Variants in LRBA observed in about 807,000 individuals in gnomAD.
LRBA encodes the protein LPS responsive beige-like anchor protein, also known as lipopolysaccharide-responsive and beige-like anchor protein.
A neutral mutation model predicts 330.0 loss-of-function variants in LRBA; 176 were observed. That is an observed-to-expected ratio of 0.53 (90% CI 0.47 to 0.60). The LOEUF (loss-of-function observed/expected upper bound fraction) is 0.60, where lower values mean the gene tolerates loss of function less well. Ranked by LOEUF, LRBA falls within the 20% of genes least tolerant of loss-of-function variation. The pLI, the probability that LRBA is intolerant of heterozygous loss-of-function variation, is 0.00. For missense variants in LRBA, 3,259 were observed against 3,444.8 expected (o/e 0.95, Z 1.35); for synonymous variants, 1,230 against 1,193.0 (o/e 1.03, Z -0.64).
chr4:150,554,839 C>T (rs1166496128), intron 40 of LRBA, among the ~76,000 whole-genome samples: 1 of 151,918 alleles, frequency 6.6e-6, no homozygotes. Flanking sequence ...TGTTCTATGC[C>T]ACTTATAAAA....
chr4:150,287,355 T>A (rs895803532), intron 53 of LRBA, among the ~76,000 whole-genome samples: 4 of 152,242 alleles, frequency 2.6e-5, no homozygotes, highest in Non-Finnish European at 4.4e-5. Context: ...TGAAATTTTA[T>A]GCAAAATGTA....
At chr4:150,305,550 C>G (rs1342682261) in intron 52 of LRBA, among the ~76,000 whole-genome samples, 1 of 152,076 alleles carries the variant, frequency 6.6e-6, no homozygotes, top group Non-Finnish European at 1.5e-5. Flanking sequence ...GTGGGGCAGA[C>G]AGTCATTAAA....
intron 36 of LRBA, among the ~76,000 whole-genome samples, chr4:150,730,899 T>C: frequency 6.6e-6 from 1 of 151,562 alleles, no homozygotes; most frequent in African/African-American, 2.4e-5. Context: ...AGGCCTGTAA[T>C]CCCAGCTACT....
At chr4:150,836,138 C>T (rs996949412) in intron 28 of LRBA, among the ~76,000 whole-genome samples, 1 of 152,130 alleles carries the variant, frequency 6.6e-6, no homozygotes, top group Admixed American at 6.5e-5. Flanking sequence ...GCCTTGCATC[C>T]CAGGGATGAA....
rs1750764680 is a variant in LRBA at position 150,852,779 on chromosome 4, C to T, written c.2931G>A (p.Lys977=). Residue 977 remains lysine, a synonymous_variant, in exon 23 of 57, where the codon AAG becomes AAA. Coordinates refer to ENST00000651943, the MANE Select transcript of LRBA (RefSeq NM_001364905.1). Reference sequence around the variant, plus strand: ...TGAAATGAGGACAGACAGGAGAATCCTTCGTATCTGGTTGCTGGGATCCTA... The same window carrying T: ...TGAAATGAGGACAGACAGGAGAATCTTTCGTATCTGGTTGCTGGGATCCTA... ...VSVGSQQPDT[K]DSPVCPHFTT... 1 of 1,613,844 alleles carries T rather than the reference C, an allele frequency of 6.2e-7. No individual in the cohort carries two copies. The highest frequency in any genetic ancestry group is 1.7e-5 in the Admixed American group (1 of 59,988).
intron 17 of LRBA, among the ~76,000 whole-genome samples, chr4:150,887,942 A>C (rs767543711): frequency 2.0e-5 from 3 of 152,108 alleles, no homozygotes; most frequent in Non-Finnish European, 2.9e-5. Context: ...GAACTGCTTA[A>C]GCCCAGGAGT....
chr4:150,903,907 T>C (rs1456471974), intron 13 of LRBA, among the ~76,000 whole-genome samples: 1 of 152,158 alleles, frequency 6.6e-6, no homozygotes, highest in Non-Finnish European at 1.5e-5. Flanking sequence ...TGAGGGCAAG[T>C]ATCAAGTCTA....
chr4:150,583,156 A>C lies in LRBA; in HGVS notation c.6330+4892T>G. Reference sequence around the variant, plus strand: ...CTGTAAGGTGGTCTCGGACGTGCTCAAGGAAGTGGAGGTGCAGGAGCCTCG... The same window carrying C: ...CTGTAAGGTGGTCTCGGACGTGCTCCAGGAAGTGGAGGTGCAGGAGCCTCG... On this transcript the variant is annotated intron_variant, in intron 40 of 56. Transcript: ENST00000651943. This position sits in a 1 kb window ranked among gnomAD's most constrained non-coding sequence, Gnocchi z 9.8. The C allele has an allele frequency of 6.2e-7, 1 of 1,614,206 alleles. No homozygotes were observed. The highest frequency in any genetic ancestry group is 8.5e-7 in the Non-Finnish European group (1 of 1,180,018).
chr4:150,549,326 T>G (rs1213509400), intron 40 of LRBA, among the ~76,000 whole-genome samples: 1 of 151,726 alleles, frequency 6.6e-6, no homozygotes, highest in Non-Finnish European at 1.5e-5. Flanking sequence ...TTATTTTATT[T>G]TATTTTATTT....
At chr4:150,335,476 C>CAT (rs1734565829) in intron 48 of LRBA, among the ~76,000 whole-genome samples, 2 of 114,862 alleles carry the variant, frequency 1.7e-5, no homozygotes, top group East Asian at 2.2e-4. Flanking sequence ...TATATATATA[C>CAT]GTATATATGT....
intron 40 of LRBA, among the ~76,000 whole-genome samples, chr4:150,560,918 G>C (rs1768240643): frequency 6.6e-6 from 1 of 152,030 alleles, no homozygotes; most frequent in Non-Finnish European, 1.5e-5. Context: ...CCCAGAAGTG[G>C]AGGTTGCGGT....
At chr4:150,604,840 CCTTT>C (rs909097803) in intron 37 of LRBA, among the ~76,000 whole-genome samples, 3 of 152,118 alleles carry the variant, frequency 2.0e-5, no homozygotes, top group African/African-American at 7.2e-5. Flanking sequence ...TGCTCAGGCT[CCTTT>C]CTTTCTCTGG....
intron 40 of LRBA, among the ~76,000 whole-genome samples, chr4:150,545,326 T>C (rs1765739964): frequency 6.6e-6 from 1 of 152,146 alleles, no homozygotes; most frequent in Admixed American, 6.5e-5. Flanking sequence ...AATTGTAAAA[T>C]ACATTCCAAT....
chr4:150,657,069 A>C (rs1303819401), intron 37 of LRBA, among the ~76,000 whole-genome samples: 2 of 152,222 alleles, frequency 1.3e-5, no homozygotes, highest in East Asian at 3.8e-4. Context: ...GGCTTGTCAT[A>C]AAAAGTAGTA....
At chr4:150,458,897 T>C (rs926343406) in intron 44 of LRBA, among the ~76,000 whole-genome samples, 1 of 151,950 alleles carries the variant, frequency 6.6e-6, no homozygotes, top group African/African-American at 2.4e-5. Flanking sequence ...TTAGAGGTTG[T>C]CTTTAAATGT....
chr4:150,837,953 T>C (rs1236892782), intron 28 of LRBA, among the ~76,000 whole-genome samples: 1 of 152,218 alleles, frequency 6.6e-6, no homozygotes, highest in Non-Finnish European at 1.5e-5. Flanking sequence ...CCATGTTTAG[T>C]GCTTCCTTCA....
intron 2 of LRBA, among the ~76,000 whole-genome samples, chr4:150,981,595 A>C (rs918454368): frequency 6.6e-6 from 1 of 152,068 alleles, no homozygotes. Flanking sequence ...ACAGACCAGA[A>C]GAACAGAACA....
chr4:150,859,391 TTAA>T (rs1751619651), intron 22 of LRBA, among the ~76,000 whole-genome samples: 1 of 152,150 alleles, frequency 6.6e-6, no homozygotes, highest in African/African-American at 2.4e-5. Context: ...TAAATTTTAA[TTAA>T]TGAGTAAAAG....
intron 46 of LRBA, among the ~76,000 whole-genome samples, chr4:150,418,591 T>C (rs1748123384): frequency 6.6e-6 from 1 of 152,212 alleles, no homozygotes; most frequent in Non-Finnish European, 1.5e-5. Flanking sequence ...ATGGGCATTG[T>C]AAACATATTT....
Sources: gnomAD v4.1 joint callset for allele counts (sites outside exome capture counted in the v4.1 genomes callset) on GRCh38, gnomAD v4.1.1 for gene constraint, Gnocchi (gnomAD v3.1) non-coding constraint, MANE v1.5 for transcripts, NCBI Gene and HGNC (gene_info 2026-07-23, HGNC 2026-07-21) for gene names.